The following KRT7 variants were observed in gnomAD, a reference collection of about 807,000 sequenced individuals.
The protein encoded by KRT7 is keratin, type II cytoskeletal 7.
KRT7 carries 50 observed loss-of-function variants against 42.8 expected under a neutral mutation model. The observed-to-expected ratio is 1.17, with a 90% CI of 0.93 to 1.48. The LOEUF (loss-of-function observed/expected upper bound fraction) is 1.48. KRT7 is among the 40% of genes most tolerant of loss of function. The probability of loss-of-function intolerance (pLI) is 0.00; values close to 1 mark genes in which losing one functional copy is unlikely to be tolerated. For missense variants in KRT7, 588 were observed against 637.6 expected (o/e 0.92, Z 0.84); for synonymous variants, 268 against 266.3 (o/e 1.01, Z -0.06).
downstream of KRT7, chr12:52,248,923 G>C: frequency 1.7e-6 from 1 of 597,174 alleles, no homozygotes; most frequent in East Asian, 3.4e-5. Context: ...AGTGATCCAC[G>C]TGCCTGGTAT....
At position 52,235,201 on chromosome 12, in the gene KRT7, C is replaced by T. The variant is rs138735842; in HGVS notation, c.371C>T (p.Thr124Met). 3.8e-5 allele frequency: 61 copies of T among 1,614,140 alleles called. No individual in the cohort carries two copies. The highest frequency in any genetic ancestry group is 8.9e-5 in the East Asian group (4 of 44,880). The change falls in exon 2 of 9, where the codon ACG becomes ATG. Residue 124 changes from threonine to methionine, a missense_variant. Transcript: ENST00000331817. ...AACAAGCTGCTGGAGACCAAGTGGA[C>T]GCTGCTGCAGGAGCAGAAGTCGGCC... Reference protein sequence around the residue: ...QQNKLLETKWTLLQEQKSAKS... With the variant: ...QQNKLLETKWMLLQEQKSAKS...
Position 52,241,650 on chromosome 12 carries a change from A to G in KRT7, c.858+14A>G. Reference sequence around the variant, plus strand: ...TACCAGACCAAGGTGTGAGGCCACCAGGGGCGTATTTCCTCCTGCCAGGGT... The same window carrying G: ...TACCAGACCAAGGTGTGAGGCCACCGGGGGCGTATTTCCTCCTGCCAGGGT... On this transcript the variant is annotated intron_variant, in intron 5 of 8. Transcript: ENST00000331817. The G allele has an allele frequency of 6.3e-7, 1 of 1,596,970 alleles. No homozygotes were observed. The highest frequency in any genetic ancestry group is 8.5e-7 in the Non-Finnish European group (1 of 1,170,210).
chr12:52,238,102 G>A (rs965790097), intron 3 of KRT7, among the ~76,000 whole-genome samples: 11 of 152,164 alleles, frequency 7.2e-5, no homozygotes, highest in African/African-American at 2.7e-4. Context: ...GCCCCTGGGA[G>A]CTGGGCCCTT....
downstream of KRT7, chr12:52,251,835 C>G (rs1272654453): frequency 2.8e-6 from 1 of 361,192 alleles, no homozygotes; most frequent in African/African-American, 2.1e-5. Flanking sequence ...TTTCTTGGAA[C>G]CCAGTCATAC....
intron 4 of KRT7, among the ~76,000 whole-genome samples, chr12:52,240,162 T>TACAC (rs10604083): frequency 1.9e-4 from 28 of 150,534 alleles, no homozygotes; most frequent in Admixed American, 2.6e-4. Flanking sequence ...CACACATGTG[T>TACAC]ACACACACAC....
intron 5 of KRT7, 40 bp from the exon 6 acceptor site, chr12:52,242,972 G>A (rs368203023): frequency 1.2e-4 from 195 of 1,583,480 alleles, no homozygotes; most frequent in Non-Finnish European, 1.6e-4. Context: ...TGTACTCACT[G>A]CCCATCTCTC....
At position 52,245,603 on chromosome 12, in the gene KRT7, C is replaced by T; in HGVS notation, c.1176C>T (p.Tyr392=). 1 of 1,613,842 alleles carries T rather than the reference C, an allele frequency of 6.2e-7. No individual in the cohort carries two copies. Among genetic ancestry groups the T allele is most frequent in the Non-Finnish European group, 8.5e-7 (1 of 1,180,032 alleles). ...CCCTGGACATCGAGATCGCCACCTA[C>T]CGCAAGCTGCTGGAGGGCGAGGAGA... is the stretch of plus-strand genomic sequence containing the variant. The part of the protein sequence containing the change: ...KLALDIEIAT[Y]RKLLEGEESR... The change falls in exon 7 of 9, where the codon TAC becomes TAT. Residue 392 remains tyrosine (Y), a synonymous_variant. Transcript: ENST00000331817.
downstream of KRT7, chr12:52,253,438 A>G (rs1942297281): frequency 6.4e-7 from 1 of 1,556,718 alleles, no homozygotes; most frequent in African/African-American, 1.4e-5. Context: ...CAGCCTGTGC[A>G]ACCACACATG....
Position 52,240,162 on chromosome 12 carries a change from TACACACAC to T in KRT7, c.694-1292_694-1285del, listed in dbSNP as rs10604083. On this transcript the variant is annotated intron_variant, in intron 4 of 8. Coordinates refer to ENST00000331817, the MANE Select transcript of KRT7 (RefSeq NM_005556.4). ...TTATTTATGTGTAAACACACATGTG[TACACACAC>T]ACACACACACACACACATATATATA... Among the ~76,000 whole-genome samples, 62 of 150,536 alleles carry T rather than the reference TACACACAC, an allele frequency of 4.1e-4. 1 individual carries two copies. Among genetic ancestry groups the T allele is most frequent in the African/African-American group, 1.2e-3 (51 of 40,850 alleles).
chr12:52,236,210 A>C (rs1592388725), intron 2 of KRT7, among the ~76,000 whole-genome samples: 7 of 131,076 alleles, frequency 5.3e-5, no homozygotes, highest in African/African-American at 1.1e-4. Flanking sequence ...CCCCCCCAAC[A>C]CTCCCACTTC....
intron 3 of KRT7, among the ~76,000 whole-genome samples, chr12:52,238,054 C>A (rs987001408): frequency 6.6e-5 from 10 of 152,138 alleles, no homozygotes; most frequent in Non-Finnish European, 1.0e-4. Context: ...ATACACTGAG[C>A]AGTTGGTGTT....
chr12:52,251,010 C>G (rs566150569), downstream of KRT7, among the ~76,000 whole-genome samples: 19 of 152,294 alleles, frequency 1.2e-4, no homozygotes, highest in East Asian at 3.5e-3. Context: ...GACGGAGTCT[C>G]TCTCTATCGC....
Position 52,245,878 on chromosome 12 carries a change from C to T in KRT7, c.1205+246C>T, listed in dbSNP as rs558014108. ...AATGATAACAGTCCCTTTGTGTGTG[C>T]GGCTTCTTAGGGTTATCATATTTGA... On this transcript the variant is annotated intron_variant, in intron 7 of 8. Transcript: ENST00000331817. The T allele has an allele frequency of 1.6e-4, 87 of 551,978 alleles. No homozygotes were observed. The Middle Eastern group carries it at 3.4e-3, about 22-fold the overall frequency. The allele number at this position is 551,978 out of a possible 1,614,324, so 34.2% of individuals were successfully genotyped here. A position where few individuals can be genotyped will look rare whatever the true frequency, so the allele number is the denominator to read the frequency against.
chr12:52,253,720 C>T (rs752689129), downstream of KRT7: 17 of 1,295,882 alleles, frequency 1.3e-5, no homozygotes, highest in African/African-American at 3.0e-5. Context: ...TCCATCTTGA[C>T]GACCACTGAG....
chr12:52,253,341 G>C (rs1942296122), downstream of KRT7: 1 of 1,612,558 alleles, frequency 6.2e-7, no homozygotes, highest in South Asian at 1.1e-5. Context: ...TCCTCACACT[G>C]GGGAAGTAGA....
At position 52,233,285 on chromosome 12, in the gene KRT7, G is replaced by T; in HGVS notation, c.-12G>T. On this transcript the variant is annotated 5_prime_UTR_variant, in exon 1 of 9. Coordinates refer to ENST00000331817, the MANE Select transcript of KRT7 (RefSeq NM_005556.4). ...CCTCGCCCGCCGCTAGGTCCATCCC[G>T]GCCCAGCCACCATGTCCATCCACTT... is the stretch of plus-strand genomic sequence containing the variant. 1 of 1,535,754 alleles carries T rather than the reference G, an allele frequency of 6.5e-7. No homozygotes were observed. Among genetic ancestry groups the T allele is most frequent in the South Asian group, 1.2e-5 (1 of 80,474 alleles).
intron 6 of KRT7, 88 bp from the exon 7 acceptor site, chr12:52,245,324 A>G: frequency 7.3e-7 from 1 of 1,365,652 alleles, no homozygotes; most frequent in Non-Finnish European, 1.0e-6. Context: ...AGCCACCTTA[A>G]GCAAGTTGCC....
chr12:52,252,571 A>G, downstream of KRT7: 2 of 1,487,992 alleles, frequency 1.3e-6, no homozygotes, highest in Non-Finnish European at 1.8e-6. Flanking sequence ...AGCAGAAGAA[A>G]AAGAGGCCTT....
chr12:52,234,135 G>T (rs866263420), intron 1 of KRT7, among the ~76,000 whole-genome samples: 2 of 147,968 alleles, frequency 1.4e-5, no homozygotes, highest in African/African-American at 5.0e-5. Flanking sequence ...GGAGGGGGGG[G>T]GGCTCCCGCC....
Sources: gnomAD v4.1 joint callset for allele counts (sites outside exome capture counted in the v4.1 genomes callset) on GRCh38, gnomAD v4.1.1 for gene constraint, MANE v1.5 for transcripts, NCBI Gene and HGNC (gene_info 2026-07-23, HGNC 2026-07-21) for gene names.